ADGRB3: variants seen among roughly 807,000 people sequenced by gnomAD.
ADGRB3 encodes the protein brain-specific angiogenesis inhibitor 3.
In ADGRB3, 37 loss-of-function variants were observed where a neutral mutation model predicts 193.4. The ratio of observed to expected loss-of-function variants is 0.19; its 90% CI spans 0.15 to 0.25. The LOEUF (loss-of-function observed/expected upper bound fraction) is 0.25. Ranked by LOEUF, ADGRB3 falls within the 10% of genes least tolerant of loss-of-function variation. The pLI is 1.00. For synonymous variants in ADGRB3, 690 were observed against 644.2 expected (o/e 1.07, Z -1.08); for missense variants, 1,637 against 1,852.9 (o/e 0.88, Z 2.14).
chr6:68,912,144 T>C (rs902854449), intron 3 of ADGRB3, among the ~76,000 whole-genome samples: 1 of 152,066 alleles, frequency 6.6e-6, no homozygotes, highest in African/African-American at 2.4e-5. Context: ...AGAATTTTAT[T>C]CTTTTATTAA....
chr6:69,361,422 T>A lies in ADGRB3; in HGVS notation c.4149T>A (p.Ala1383=), dbSNP rs140810731. 6.2e-7 allele frequency: 1 copy of A among 1,612,870 alleles called. No individual in the cohort carries two copies. The highest frequency in any genetic ancestry group is 1.7e-5 in the Admixed American group (1 of 59,858). ...MQNLPFEPRT[A]VKNFMASELD... ...ATTTGCCCTTTGAACCTCGCACAGC[T>A]GTGAAGAATTTCATGGCCTCTGAGT... is the stretch of plus-strand genomic sequence containing the variant. Residue 1383 remains alanine, a synonymous_variant, in exon 29 of 32, where the codon GCT becomes GCA. Coordinates refer to ENST00000370598, the MANE Select transcript of ADGRB3 (RefSeq NM_001704.3).
At chr6:69,047,862 A>C (rs779325685) in intron 13 of ADGRB3, among the ~76,000 whole-genome samples, 1 of 152,186 alleles carries the variant, frequency 6.6e-6, no homozygotes, top group Non-Finnish European at 1.5e-5. Flanking sequence ...ATACAGTATG[A>C]GTTTCTAACA....
intron 3 of ADGRB3, among the ~76,000 whole-genome samples, chr6:68,887,298 C>T (rs1240077575): frequency 3.9e-5 from 6 of 151,976 alleles, no homozygotes; most frequent in East Asian, 1.9e-4. Context: ...ACCATTGATA[C>T]GTATCCTTGC....
chr6:68,864,028 C>T (rs908277827), intron 3 of ADGRB3, among the ~76,000 whole-genome samples: 13 of 151,984 alleles, frequency 8.6e-5, no homozygotes, highest in African/African-American at 3.1e-4. Context: ...AGTATTTATA[C>T]CCCTATCAAT....
At chr6:69,332,529 T>C (rs1768752140) in intron 23 of ADGRB3, 1 of 985,252 alleles carries the variant, frequency 1.0e-6, no homozygotes, top group African/African-American at 1.7e-5. Context: ...CACCCTAACC[T>C]CATACTCTAA....
chr6:68,802,912 T>C (rs1342273511), intron 3 of ADGRB3, among the ~76,000 whole-genome samples: 1 of 152,184 alleles, frequency 6.6e-6, no homozygotes, highest in Non-Finnish European at 1.5e-5. Flanking sequence ...CAGAATGGAT[T>C]TCAAACCTCT....
At chr6:69,282,245 C>T (rs777905162) in intron 20 of ADGRB3, among the ~76,000 whole-genome samples, 2 of 152,078 alleles carry the variant, frequency 1.3e-5, no homozygotes, top group Non-Finnish European at 1.5e-5. Context: ...ATCCACCCAC[C>T]GTTTTGAAAA....
At chr6:68,866,677 T>C (rs1765304948) in intron 3 of ADGRB3, among the ~76,000 whole-genome samples, 1 of 152,146 alleles carries the variant, frequency 6.6e-6, no homozygotes, top group Non-Finnish European at 1.5e-5. Flanking sequence ...AAAATGCTAA[T>C]AATGGTATGG....
intron 28 of ADGRB3, among the ~76,000 whole-genome samples, chr6:69,359,566 A>T (rs1294901587): frequency 6.6e-6 from 1 of 151,886 alleles, no homozygotes; most frequent in Non-Finnish European, 1.5e-5. Context: ...CATGTTTTGA[A>T]ATAATTTTAA....
chr6:69,251,357 C>T (rs1006696481), intron 20 of ADGRB3, among the ~76,000 whole-genome samples: 1 of 149,682 alleles, frequency 6.7e-6, no homozygotes, highest in Non-Finnish European at 1.5e-5. Context: ...ACTAATCTGT[C>T]TAGGAACCCA....
Position 68,879,213 on chromosome 6 carries a change from C to CTTTT in ADGRB3, c.758-51326_758-51323dup, listed in dbSNP as rs529789046. On this transcript the variant is annotated intron_variant, in intron 3 of 31. Transcript: ENST00000370598. Reference sequence around the variant, plus strand: ...CTCTTTTCTGCTTTACTTTTTGTCGCTTTTTTTTTTTTTTTTTTTTTTTGA... The same window carrying CTTTT: ...CTCTTTTCTGCTTTACTTTTTGTCGCTTTTTTTTTTTTTTTTTTTTTTTTTTTGA... Among the ~76,000 whole-genome samples, 118 of 91,904 alleles carry CTTTT rather than the reference C, an allele frequency of 1.3e-3. 1 individual carries two copies. Among genetic ancestry groups the CTTTT allele is most frequent in the African/African-American group, 2.4e-3 (49 of 20,646 alleles). 60.3% of individuals were successfully genotyped at this position (91,904 alleles called of 152,430 possible).
chr6:68,919,885 CAAG>C (rs953276585), intron 3 of ADGRB3, among the ~76,000 whole-genome samples: 4 of 152,014 alleles, frequency 2.6e-5, no homozygotes, highest in African/African-American at 9.7e-5. Flanking sequence ...GTTTCTGTAA[CAAG>C]AAAGTATTGT....
intron 3 of ADGRB3, among the ~76,000 whole-genome samples, chr6:68,913,390 A>T (rs978125280): frequency 2.0e-5 from 3 of 152,156 alleles, no homozygotes; most frequent in Admixed American, 1.3e-4. Flanking sequence ...GGTTCACGAA[A>T]ATCCGCTGTT....
chr6:68,838,891 A>G (rs1768094799), intron 3 of ADGRB3, among the ~76,000 whole-genome samples: 1 of 152,194 alleles, frequency 6.6e-6, no homozygotes, highest in Non-Finnish European at 1.5e-5. Context: ...ATATAAACAG[A>G]CAATTAAAAC....
At chr6:68,801,121 C>T (rs967213510) in intron 3 of ADGRB3, among the ~76,000 whole-genome samples, 2 of 152,166 alleles carry the variant, frequency 1.3e-5, no homozygotes, top group African/African-American at 4.8e-5. Flanking sequence ...GTTCAACCTG[C>T]TTGATGCTCA....
At chr6:68,861,334 G>T (rs944383485) in intron 3 of ADGRB3, among the ~76,000 whole-genome samples, 1 of 152,130 alleles carries the variant, frequency 6.6e-6, no homozygotes. Flanking sequence ...AGCACTTTGG[G>T]AGGCCGAGGC....
intron 29 of ADGRB3, among the ~76,000 whole-genome samples, chr6:69,368,328 C>T (rs1258377653): frequency 6.6e-6 from 1 of 152,044 alleles, no homozygotes; most frequent in Non-Finnish European, 1.5e-5. Flanking sequence ...CAAGAGATAA[C>T]AGTTGCTTTG....
At chr6:68,939,015 C>T (rs1182217576) in intron 5 of ADGRB3, among the ~76,000 whole-genome samples, 2 of 152,046 alleles carry the variant, frequency 1.3e-5, no homozygotes, top group Admixed American at 6.5e-5. Context: ...GAGTCTACTT[C>T]CCAGCCACTA....
intron 17 of ADGRB3, among the ~76,000 whole-genome samples, chr6:69,160,332 C>A (rs539261630): frequency 6.6e-6 from 1 of 152,158 alleles, no homozygotes; most frequent in Non-Finnish European, 1.5e-5. Flanking sequence ...TCATGTGCTA[C>A]CTACCCCTTC....
Sources: allele counts gnomAD v4.1 joint callset (sites outside exome capture counted in the v4.1 genomes callset), GRCh38; gene constraint gnomAD v4.1.1; transcripts MANE v1.5; gene names NCBI Gene and HGNC (gene_info 2026-07-23, HGNC 2026-07-21).